The following L3HYPDH variants were observed in gnomAD, a reference collection of about 807,000 sequenced individuals.
The protein encoded by L3HYPDH is trans-3-hydroxy-L-proline dehydratase.
L3HYPDH carries 32 observed loss-of-function variants against 26.5 expected under a neutral mutation model. That is an observed-to-expected ratio of 1.21 (90% CI 0.91 to 1.62). The LOEUF (loss-of-function observed/expected upper bound fraction) is 1.62, where lower values mean the gene tolerates loss of function less well. L3HYPDH is among the 40% of genes most tolerant of loss of function. The pLI, the probability that L3HYPDH is intolerant of heterozygous loss-of-function variation, is 0.00. For synonymous variants in L3HYPDH, 215 were observed against 196.6 expected, an observed-to-expected ratio of 1.09 and a Z score of -0.78; for missense variants, 554 against 476.4, an observed-to-expected ratio of 1.16 and a Z score of -1.52.
chr14:59,487,906 T>C (rs1346729811), upstream of L3HYPDH: 1 of 1,286,792 alleles, frequency 7.8e-7, no homozygotes, highest in Admixed American at 1.8e-5. Flanking sequence ...ATTAAGTAAT[T>C]ATGCTTCTTC....
rs1046701 is a variant in L3HYPDH at position 59,473,086 on chromosome 14, G to A, written c.944C>T (p.Ala315Val). 77,400 of 1,584,696 alleles carry A rather than the reference G, an allele frequency of 0.049. 2,142 individuals carry two copies. Among genetic ancestry groups the A allele is most frequent in the Non-Finnish European group, 0.054 (62,730 of 1,169,416 alleles). ...SVFTGKAVRE[A>V]KCGDFKAVIV... Reference sequence around the variant, plus strand: ...AACAGCTTTAAAATCACCACATTTCGCTTCCTGAAAAAAGATGAAGGGAGT... The same window carrying A: ...AACAGCTTTAAAATCACCACATTTCACTTCCTGAAAAAAGATGAAGGGAGT... The change falls in exon 5 of 5, where the codon GCG (alanine) becomes GTG (valine). Residue 315 changes from alanine to valine, a missense_variant. By Grantham distance (64) the Ala-to-Val change is moderately conservative. Transcript: ENST00000247194.
chr14:59,479,105 C>G (rs947987258), intron 2 of L3HYPDH, 77 bp downstream of exon 2: 1 of 1,071,614 alleles, frequency 9.3e-7, no homozygotes, highest in Non-Finnish European at 1.3e-6. Flanking sequence ...ATTTAATTTT[C>G]TTTATAGACA....
chr14:59,495,361 A>G, the L3HYPDH span: 5 of 617,026 alleles, frequency 8.1e-6, no homozygotes, highest in African/African-American at 7.4e-5. Flanking sequence ...TACCTTGAAC[A>G]TGTAAACAGC....
At position 59,476,153 on chromosome 14, in the gene L3HYPDH, T is replaced by C. The variant is rs766646064; in HGVS notation, c.740A>G (p.Asp247Gly). 6.8e-6 allele frequency: 11 copies of C among 1,613,638 alleles called. No individual in the cohort carries two copies. In the African/African-American group the frequency reaches 1.5e-4, roughly 22 times the overall value. The change falls in exon 3 of 5, where the codon GAT (aspartate) becomes GGT (glycine). Residue 247 changes from aspartate to glycine, a missense_variant. Physicochemically the swap from Asp to Gly is moderately conservative, Grantham distance 94. Transcript: ENST00000247194. Reference protein sequence around the residue: ...LAFLYGTILTDGKDAYTKEPT... With the variant: ...LAFLYGTILTGGKDAYTKEPT... ...TTCCTTGGTATAAGCATCTTTTCCA[T>C]CTGTTAATATAGTTCCATATAAAAA...
the L3HYPDH span, chr14:59,504,005 T>C: frequency 6.2e-7 from 1 of 1,613,816 alleles, no homozygotes; most frequent in African/African-American, 1.3e-5. Context: ...CCAGCCCTTT[T>C]TTACTTGTTC....
chr14:59,469,185 G>T (rs887801594), downstream of L3HYPDH, among the ~76,000 whole-genome samples: 6 of 152,120 alleles, frequency 3.9e-5, no homozygotes, highest in Non-Finnish European at 8.8e-5. Flanking sequence ...GTCTTGACTG[G>T]TGTACCAGTT....
chr14:59,488,488 A>G (rs1031054421), upstream of L3HYPDH, among the ~76,000 whole-genome samples: 8 of 152,210 alleles, frequency 5.3e-5, no homozygotes, highest in Non-Finnish European at 1.0e-4. Context: ...TAGGCAGAAG[A>G]AACAGCATGA....
the L3HYPDH span, among the ~76,000 whole-genome samples, chr14:59,502,773 T>TTTGTTTTTTTTTTTTTTTTTTG: frequency 1.9e-5 from 2 of 102,836 alleles, no homozygotes; most frequent in Non-Finnish European, 1.8e-5. Context: ...TTTTTTTTTT[T>TTTGTTTTTTTTTTTTTTTTTTG]CGGAGTCTCA....
chr14:59,484,773 G>C (rs908884568), upstream of L3HYPDH: 14 of 942,738 alleles, frequency 1.5e-5, no homozygotes, highest in Non-Finnish European at 2.2e-5. Context: ...TGGTCTGTCC[G>C]CAACGGGCTA....
chr14:59,470,560 A>G (rs1261631915), downstream of L3HYPDH, among the ~76,000 whole-genome samples: 1 of 151,824 alleles, frequency 6.6e-6, no homozygotes, highest in African/African-American at 2.4e-5. Context: ...ACTGGGTACT[A>G]ACCTCATAAG....
At chr14:59,486,533 GT>G (rs1313750237), upstream of L3HYPDH, 10 of 594,462 alleles carry the variant, frequency 1.7e-5, no homozygotes, top group Non-Finnish European at 2.1e-5. Context: ...CAGGATAACT[GT>G]CTGCAGTGTC....
intron 4 of L3HYPDH, among the ~76,000 whole-genome samples, chr14:59,473,337 A>G (rs1024635431): frequency 6.6e-6 from 1 of 152,218 alleles, no homozygotes; most frequent in Non-Finnish European, 1.5e-5. Context: ...GATAACCTCA[A>G]TTCACTGAAT....
intron 4 of L3HYPDH, chr14:59,474,412 T>A: frequency 1.5e-6 from 1 of 651,678 alleles, no homozygotes; most frequent in South Asian, 1.7e-5. Context: ...TATATGGAAG[T>A]TCTAATAAAT....
chr14:59,484,577 C>G (rs1436396191), upstream of L3HYPDH: 2 of 1,574,760 alleles, frequency 1.3e-6, no homozygotes, highest in African/African-American at 1.4e-5. Flanking sequence ...CGAAAAAAAC[C>G]TTCAGGCGGC....
chr14:59,467,642 A>G (rs1024090689), downstream of L3HYPDH, among the ~76,000 whole-genome samples: 2 of 152,104 alleles, frequency 1.3e-5, no homozygotes, highest in Non-Finnish European at 1.5e-5. Flanking sequence ...AAGATAATCT[A>G]TATATTCATT....
rs1566568634 is a variant in L3HYPDH at position 59,484,147 on chromosome 14, TGCTGGCGCATGTA to T, written c.157_169del (p.Tyr53ThrfsTer24). The T allele has an allele frequency of 1.2e-6, 2 of 1,601,232 alleles. No homozygotes were observed. Among genetic ancestry groups the T allele is most frequent in the South Asian group, 2.2e-5 (2 of 90,856 alleles). ...GAGCCGTCGCCGCACGTGGTCAAGG[TGCTGGCGCATGTA>T]GCGCCGCTTGGCCAGCAGGGTGGGC... On this transcript the variant is annotated frameshift_variant, in exon 1 of 5. Transcript: ENST00000247194. LOFTEE classifies it high-confidence loss of function.
At chr14:59,477,182 C>T (rs1889691503) in intron 2 of L3HYPDH, among the ~76,000 whole-genome samples, 1 of 152,188 alleles carries the variant, frequency 6.6e-6, no homozygotes, top group Admixed American at 6.5e-5. Flanking sequence ...CAGGTATGCT[C>T]GCTTCCCCAA....
chr14:59,468,679 C>T (rs553436237), downstream of L3HYPDH, among the ~76,000 whole-genome samples: 4 of 152,166 alleles, frequency 2.6e-5, no homozygotes, highest in Non-Finnish European at 5.9e-5. Flanking sequence ...AGGACCTAAA[C>T]CTTGCCTGTT....
intron 1 of L3HYPDH, chr14:59,483,365 T>G (rs1890192678): frequency 8.3e-6 from 2 of 241,878 alleles, no homozygotes; most frequent in Non-Finnish European, 1.4e-5. Context: ...GTGGGGGAGG[T>G]GAGGAAAGGA....
Sources: allele counts gnomAD v4.1 joint callset (sites outside exome capture counted in the v4.1 genomes callset), GRCh38; gene constraint gnomAD v4.1.1; transcripts MANE v1.5; gene names NCBI Gene and HGNC (gene_info 2026-07-23, HGNC 2026-07-21).